The following SIPA1 variants were observed in gnomAD, a reference collection of about 807,000 sequenced individuals.
The protein encoded by SIPA1 is signal-induced proliferation-associated protein 1.
Under a neutral mutation model 88.1 loss-of-function variants are expected in SIPA1, and 51 were observed. That is an observed-to-expected ratio of 0.58 (90% confidence interval 0.46 to 0.73). SIPA1 has a LOEUF of 0.73. Ranked by LOEUF, SIPA1 falls within the 30% of genes least tolerant of loss-of-function variation. SIPA1 has a pLI of 0.00. For missense variants in SIPA1, 1,348 were observed against 1,467.6 expected, an observed-to-expected ratio of 0.92 and a Z score of 1.33; for synonymous variants, 681 against 664.8, an observed-to-expected ratio of 1.02 and a Z score of -0.37.
intron 9 of SIPA1, among the ~76,000 whole-genome samples, chr11:65,648,045 C>T (rs2135528448): frequency 6.6e-6 from 1 of 151,966 alleles, no homozygotes; most frequent in Admixed American, 6.5e-5. Flanking sequence ...TTAATTTTTT[C>T]TATTTTTAGT....
chr11:65,650,824 C>G lies in SIPA1; in HGVS notation c.*109C>G. 1 of 1,251,854 alleles carries G rather than the reference C, an allele frequency of 8.0e-7. No individual in the cohort carries two copies. The highest frequency in any genetic ancestry group is 1.1e-6 in the Non-Finnish European group (1 of 934,248). The allele number at this position is 1,251,854 out of a possible 1,614,324, so 77.5% of individuals were successfully genotyped here. A position where few individuals can be genotyped will look rare whatever the true frequency, so the allele number is the denominator to read the frequency against. On this transcript the variant is annotated 3_prime_UTR_variant, in exon 16 of 16. Transcript: ENST00000534313. ...CTTAGCACTGCCCCCCTCCCTAGCCCCTTATTTGGTGGCGGAAGTGGCCTC... is the reference window on the plus strand; with the variant it reads ...CTTAGCACTGCCCCCCTCCCTAGCCGCTTATTTGGTGGCGGAAGTGGCCTC...
intron 9 of SIPA1, among the ~76,000 whole-genome samples, chr11:65,648,817 C>G (rs978142400): frequency 1.4e-5 from 2 of 146,402 alleles, no homozygotes; most frequent in Non-Finnish European, 3.0e-5. Context: ...GCCTGGGCAA[C>G]AAGAGCAAAA....
chr11:65,647,563 C>T lies in SIPA1; in HGVS notation c.2211C>T (p.Pro737=), dbSNP rs773850031. 52 of 1,328,942 alleles carry T rather than the reference C, an allele frequency of 3.9e-5. 1 individual carries two copies. In the East Asian group the frequency reaches 1.6e-3, roughly 41 times the overall value. The allele number at this position is 1,328,942 out of a possible 1,614,324, so 82.3% of individuals were successfully genotyped here. A position where few individuals can be genotyped will look rare whatever the true frequency, so the allele number is the denominator to read the frequency against. Residue 737 remains proline (P), a synonymous_variant, in exon 9 of 16, where the codon CCC becomes CCT. Coordinates refer to ENST00000534313, the MANE Select transcript of SIPA1 (RefSeq NM_006747.4). ...TGCGCGTGTGCGGCCAGACTCTGCC[C>T]AGCCTCCGGCCCGAGGCCGCTGCCC... ...RLLRVCGQTL[P]SLRPEAAAQL...
In SIPA1 at chr11:65,650,719, G is replaced by A. The variant is rs374197908; in HGVS notation, c.*4G>A. 1.2e-5 allele frequency: 19 copies of A among 1,566,390 alleles called. No individual in the cohort carries two copies. The African/African-American group carries it at 1.2e-4, about 10-fold the overall frequency. ...ACCCACCGCCGACCTGGCCTGAGCC[G>A]TCTGGAACCACCTGGGCCCCTGAGG... On this transcript the variant is annotated 3_prime_UTR_variant, in exon 16 of 16. Transcript: ENST00000534313.
chr11:65,644,634 G>C (rs1274034885), intron 4 of SIPA1, among the ~76,000 whole-genome samples: 1 of 151,726 alleles, frequency 6.6e-6, no homozygotes. Flanking sequence ...TGGGGTGGGG[G>C]TGCCTTGGAT....
chr11:65,647,729 G>C (rs1384723924), intron 9 of SIPA1, 71 bp downstream of exon 9: 3 of 1,209,430 alleles, frequency 2.5e-6, no homozygotes, highest in Non-Finnish European at 3.1e-6. Flanking sequence ...CGCCTCCCGG[G>C]TCGCCATCAG....
chr11:65,649,830 C>G lies in SIPA1; in HGVS notation c.2711C>G (p.Pro904Arg), dbSNP rs2135534163. ...PAPELRASFL[P>R]RTLSLRNSIS... ...CCGGAGCTGAGGGCCTCCTTTCTGC[C>G]ACGTACCTTGTCTCTGCGGAACTCC... The change falls in exon 12 of 16, where the codon CCA becomes CGA. Residue 904 changes from proline (P) to arginine (R), a missense_variant. Around this residue, in one of 4 missense-constraint regions of SIPA1, gnomAD observed 615 missense variants for 559.8 expected, o/e 1.10. Coordinates refer to ENST00000534313, the MANE Select transcript of SIPA1 (RefSeq NM_006747.4). 6.2e-7 allele frequency: 1 copy of G among 1,614,098 alleles called. No individual in the cohort carries two copies. The highest frequency in any genetic ancestry group is 2.2e-5 in the East Asian group (1 of 44,888).
chr11:65,642,344 G>A lies in SIPA1; in HGVS notation c.774G>A (p.Leu258=). 5 of 1,565,454 alleles carry A rather than the reference G, an allele frequency of 3.2e-6. No individual in the cohort carries two copies. The highest frequency in any genetic ancestry group is 4.3e-6 in the Non-Finnish European group (5 of 1,156,062). Reference sequence around the variant, plus strand: ...AGGAGGGCAGCGGAGGGGGCACCCTGCACAGCTACCGCGTCATCGTGCGGA... The same window carrying A: ...AGGAGGGCAGCGGAGGGGGCACCCTACACAGCTACCGCGTCATCGTGCGGA... ...EEKEGSGGGT[L]HSYRVIVRTT... is the part of the protein sequence containing the mutation. Residue 258 remains leucine, a synonymous_variant, in exon 3 of 16, where the codon CTG becomes CTA. Coordinates refer to ENST00000534313, the MANE Select transcript of SIPA1 (RefSeq NM_006747.4). This position sits in a 1 kb window ranked among gnomAD's most constrained non-coding sequence, Gnocchi z 6.5.
Position 65,642,426 on chromosome 11 carries a change from T to C in SIPA1, c.808-37T>C. On this transcript the variant is annotated intron_variant, in intron 3 of 15. Coordinates refer to ENST00000534313, the MANE Select transcript of SIPA1 (RefSeq NM_006747.4). This position sits in a 1 kb window ranked among gnomAD's most constrained non-coding sequence, Gnocchi z 6.5. ...GACGTGGGTTGCCTCCCCGACACCT[T>C]GTATGCATCCTGAGTGCCCTTACAC... The C allele has an allele frequency of 6.2e-7, 1 of 1,602,340 alleles. No individual in the cohort carries two copies. Among genetic ancestry groups the C allele is most frequent in the East Asian group, 2.3e-5 (1 of 44,212 alleles).
In SIPA1 at chr11:65,642,193, C is replaced by T. The variant is rs750208914; in HGVS notation, c.680-57C>T. 18 of 1,531,820 alleles carry T rather than the reference C, an allele frequency of 1.2e-5. No homozygotes were observed. Among genetic ancestry groups the T allele is most frequent in the Non-Finnish European group, 1.2e-5 (14 of 1,141,672 alleles). The allele number at this position is 1,531,820 out of a possible 1,614,324, so 94.9% of individuals were successfully genotyped here. A position where few individuals can be genotyped will look rare whatever the true frequency, so the allele number is the denominator to read the frequency against. On this transcript the variant is annotated intron_variant, in intron 2 of 15. Coordinates refer to ENST00000534313, the MANE Select transcript of SIPA1 (RefSeq NM_006747.4). The surrounding 1 kb of genome is among the most constrained non-coding windows in gnomAD (Gnocchi z 6.5). Reference sequence around the variant, plus strand: ...GGGCTTAGTGATGCGCGTGGTCGAGCGGGGGCGGGGCTGCCAGAGGGCGGG... The same window carrying T: ...GGGCTTAGTGATGCGCGTGGTCGAGTGGGGGCGGGGCTGCCAGAGGGCGGG...
At position 65,650,830 on chromosome 11, in the gene SIPA1, T is replaced by G. The variant is rs114067690; in HGVS notation, c.*115T>G. ...ACTGCCCCCCTCCCTAGCCCCTTATTTGGTGGCGGAAGTGGCCTCCACCCC... is the reference window on the plus strand; with the variant it reads ...ACTGCCCCCCTCCCTAGCCCCTTATGTGGTGGCGGAAGTGGCCTCCACCCC... On this transcript the variant is annotated 3_prime_UTR_variant, in exon 16 of 16. Transcript: ENST00000534313. 2.5e-4 allele frequency: 308 copies of G among 1,210,596 alleles called. 1 individual carries two copies. The African/African-American group carries it at 4.3e-3, about 17-fold the overall frequency. 75.0% of individuals were successfully genotyped at this position (1,210,596 alleles called of 1,614,324 possible).
In SIPA1 at chr11:65,649,668, C is replaced by T; in HGVS notation, c.2633C>T (p.Thr878Ile). ...VPSADSETPL[T>I]QDRPGSPSGS... Reference sequence around the variant, plus strand: ...AGTGCTGACAGTGAGACACCCCTGACCCAGGTGAGCAGAAACCAGGCTCTG... The same window carrying T: ...AGTGCTGACAGTGAGACACCCCTGATCCAGGTGAGCAGAAACCAGGCTCTG... The change falls in exon 11 of 16, where the codon ACC (threonine) becomes ATC (isoleucine). Residue 878 changes from threonine to isoleucine, a missense_variant. By Grantham distance (89) the Thr-to-Ile change is moderately conservative. Transcript: ENST00000534313. The T allele has an allele frequency of 6.2e-7, 1 of 1,614,060 alleles. No individual in the cohort carries two copies. The highest frequency in any genetic ancestry group is 1.3e-5 in the African/African-American group (1 of 75,028).
Position 65,647,405 on chromosome 11 carries a change from ACCCGCGAGCTGGCGCTGC to A in SIPA1, c.2061_2078del (p.Glu687_Arg692del). 1 of 1,457,528 alleles carries A rather than the reference ACCCGCGAGCTGGCGCTGC, an allele frequency of 6.9e-7. No homozygotes were observed. Among genetic ancestry groups the A allele is most frequent in the Non-Finnish European group, 9.0e-7 (1 of 1,112,492 alleles). The allele number at this position is 1,457,528 out of a possible 1,614,324, so 90.3% of individuals were successfully genotyped here. A position where few individuals can be genotyped will look rare whatever the true frequency, so the allele number is the denominator to read the frequency against. On this transcript the variant is annotated inframe_deletion, in exon 9 of 16. Transcript: ENST00000534313. The stretch of plus-strand genomic sequence containing the variant: ...GCAGCTGGTGAGCCGTGGCTGCGAG[ACCCGCGAGCTGGCGCTGC>A]CCCGCGACGGTCAAGGCCGCCTGGG...
chr11:65,650,698 A>ACCG lies in SIPA1; in HGVS notation c.3116_3118dup (p.Ala1039dup). On this transcript the variant is annotated inframe_insertion, in exon 16 of 16. Coordinates refer to ENST00000534313, the MANE Select transcript of SIPA1 (RefSeq NM_006747.4). ...GGCCTCCAAGCAGCTGGGCTCACCC[A>ACCG]CCGCCGACCTGGCCTGAGCCGTCTG... 2.5e-6 allele frequency: 4 copies of ACCG among 1,579,878 alleles called. No homozygotes were observed. Among genetic ancestry groups the ACCG allele is most frequent in the Non-Finnish European group, 3.4e-6 (4 of 1,163,046 alleles).
Position 65,642,639 on chromosome 11 carries a change from G to A in SIPA1, c.984G>A (p.Val328=). ...CGCTGCTCACACTGGATGAGCAAGTGGTGAGTGGCGGGCCGCGGAGCCCCC... is the reference window on the plus strand; with the variant it reads ...CGCTGCTCACACTGGATGAGCAAGTAGTGAGTGGCGGGCCGCGGAGCCCCC... ...PRTLLTLDEQ[V]LSFQRKVGIL... is the part of the protein sequence containing the mutation. Residue 328 remains valine, a splice_region_variant and synonymous_variant, in exon 4 of 16, where the codon GTG becomes GTA. Coordinates refer to ENST00000534313, the MANE Select transcript of SIPA1 (RefSeq NM_006747.4). The surrounding 1 kb of genome is among the most constrained non-coding windows in gnomAD (Gnocchi z 6.5). 3 of 1,548,128 alleles carry A rather than the reference G, an allele frequency of 1.9e-6. No individual in the cohort carries two copies. The highest frequency in any genetic ancestry group is 2.6e-6 in the Non-Finnish European group (3 of 1,149,158).
chr11:65,646,515 G>A lies in SIPA1; in HGVS notation c.1481G>A (p.Gly494Glu). ...TTCGGGCCAGCTCTGCCTGCTGGCG[G>A]AGGCCCCTTCGCAGCCAACGCCGAC... ...PAFGPALPAG[G>E]GPFAANADFR... Residue 494 changes from glycine (G) to glutamate (E), a missense_variant, in exon 8 of 16, where the codon GGA becomes GAA. By Grantham distance (98) the Gly-to-Glu change is moderately conservative (BLOSUM62 -2). Transcript: ENST00000534313. This position sits in a 1 kb window ranked among gnomAD's most constrained non-coding sequence, Gnocchi z 7.5. 2 of 1,573,270 alleles carry A rather than the reference G, an allele frequency of 1.3e-6. No individual in the cohort carries two copies. The highest frequency in any genetic ancestry group is 1.8e-5 in the Admixed American group (1 of 56,608).
intron 5 of SIPA1, 33 bp downstream of exon 5, chr11:65,645,162 A>C: frequency 6.2e-7 from 1 of 1,600,184 alleles, no homozygotes; most frequent in Non-Finnish European, 8.5e-7. Context: ...GTGGGAGCAG[A>C]TCTGTGCTGA....
At position 65,642,349 on chromosome 11, in the gene SIPA1, G is replaced by T; in HGVS notation, c.779G>T (p.Ser260Ile). 6.4e-7 allele frequency: 1 copy of T among 1,567,088 alleles called. No individual in the cohort carries two copies. The highest frequency in any genetic ancestry group is 1.9e-5 in the Admixed American group (1 of 51,580). ...GGCAGCGGAGGGGGCACCCTGCACA[G>T]CTACCGCGTCATCGTGCGGACCACG... is the stretch of plus-strand genomic sequence containing the variant. ...KEGSGGGTLHSYRVIVRTTQL... is the reference protein window; with the variant it reads ...KEGSGGGTLHIYRVIVRTTQL... Residue 260 changes from serine (S) to isoleucine (I), a missense_variant, in exon 3 of 16, where the codon AGC (serine) becomes ATC (isoleucine). Around this residue, in one of 4 missense-constraint regions of SIPA1, gnomAD observed 641 missense variants for 797.7 expected, o/e 0.80. Coordinates refer to ENST00000534313, the MANE Select transcript of SIPA1 (RefSeq NM_006747.4). The surrounding 1 kb of genome is among the most constrained non-coding windows in gnomAD (Gnocchi z 6.5).
rs749211572 is a variant in SIPA1 at position 65,649,353 on chromosome 11, C to G, written c.2398C>G (p.Leu800Val). 6.4e-7 allele frequency: 1 copy of G among 1,563,470 alleles called. No homozygotes were observed. The highest frequency in any genetic ancestry group is 8.7e-7 in the Non-Finnish European group (1 of 1,153,890). ...PVQDEVQGVT[L>V]LPTTKQLLHL... Reference sequence around the variant, plus strand: ...GCAGGATGAGGTCCAGGGGGTGACCCTGCTGCCCACCACAAAGCAGCTGCT... The same window carrying G: ...GCAGGATGAGGTCCAGGGGGTGACCGTGCTGCCCACCACAAAGCAGCTGCT... The change falls in exon 10 of 16, where the codon CTG (leucine) becomes GTG (valine). Residue 800 changes from leucine (L) to valine (V), a missense_variant. Around this residue, in one of 4 missense-constraint regions of SIPA1, gnomAD observed 615 missense variants for 559.8 expected, o/e 1.10. Transcript: ENST00000534313.
Sources: gnomAD v4.1 joint callset for allele counts (sites outside exome capture counted in the v4.1 genomes callset) on GRCh38, gnomAD v4.1.1 for gene constraint, gnomAD v4.1.1 regional missense constraint, Gnocchi (gnomAD v3.1) non-coding constraint, MANE v1.5 for transcripts, NCBI Gene and HGNC (gene_info 2026-07-23, HGNC 2026-07-21) for gene names.